DSC1: variants seen among roughly 807,000 people sequenced by gnomAD.
DSC1 encodes desmocollin 1, also known as desmocollin-1.
In DSC1, 79 loss-of-function variants were observed where a neutral mutation model predicts 98.8. The ratio of observed to expected loss-of-function variants is 0.80; its 90% CI spans 0.67 to 0.96. The LOEUF is 0.96. Among genes scored for constraint, DSC1 ranks in the 50% least tolerant of loss-of-function variants. DSC1 has a pLI of 0.00. For missense variants in DSC1, 1,115 were observed against 1,075.9 expected (o/e 1.04, Z -0.51); for synonymous variants, 405 against 372.1 (o/e 1.09, Z -1.02).
At chr18:31,140,902 A>C (rs1210104176) in intron 9 of DSC1, among the ~76,000 whole-genome samples, 1 of 152,160 alleles carries the variant, frequency 6.6e-6, no homozygotes, top group East Asian at 1.9e-4. Flanking sequence ...AGGGCAAGGT[A>C]ATTGAATCTT....
chr18:31,143,856 A>T, intron 7 of DSC1, 65 bp from the exon 8 acceptor site: 1 of 1,315,714 alleles, frequency 7.6e-7, no homozygotes, highest in Non-Finnish European at 1.0e-6. Flanking sequence ...AATTCTCACA[A>T]CCACTTGTTT....
Position 31,156,715 on chromosome 18 carries a change from A to C in DSC1, c.352-553T>G, listed in dbSNP as rs571832897. Among the ~76,000 whole-genome samples, 25 of 152,386 alleles carry C rather than the reference A, an allele frequency of 1.6e-4. No homozygotes were observed. The South Asian group carries it at 5.2e-3, about 32-fold the overall frequency. Reference sequence around the variant, plus strand: ...AATCCTCTCCTAAATAGAATCATTTATTAAGAAATGGTTTTATAAGACGAA... The same window carrying C: ...AATCCTCTCCTAAATAGAATCATTTCTTAAGAAATGGTTTTATAAGACGAA... On this transcript the variant is annotated intron_variant, in intron 3 of 15. Transcript: ENST00000257198.
intron 5 of DSC1, chr18:31,150,908 C>T (rs1048532681): frequency 6.6e-6 from 1 of 152,168 alleles, no homozygotes; most frequent in Non-Finnish European, 1.5e-5. Flanking sequence ...CAATAAATAG[C>T]TCTTTGCATT....
rs180682852 is a variant in DSC1 at position 31,142,125 on chromosome 18, C to T, written c.1134G>A (p.Gln378=). 5.0e-6 allele frequency: 8 copies of T among 1,613,118 alleles called. No homozygotes were observed. The Admixed American group carries it at 1.0e-4, about 20-fold the overall frequency. ...IDVEILRMKV[Q]DQDLPNTPHS... ...GAGGAGTGTTTGGCAAATCCTGATC[C>T]TGTACCTTCATTCGTAAAATCTCCA... is the stretch of plus-strand genomic sequence containing the variant. The change falls in exon 9 of 16, where the codon CAG becomes CAA. Residue 378 remains glutamine, a synonymous_variant. Transcript: ENST00000257198.
intron 6 of DSC1, 143 bp from the exon 7 acceptor site, chr18:31,145,920 AC>A: frequency 1.1e-6 from 1 of 918,396 alleles, no homozygotes. Context: ...CGAATGTGAA[AC>A]TGTTCTAAAT....
Position 31,162,595 on chromosome 18 carries a change from C to G in DSC1, c.-1G>C. On this transcript the variant is annotated 5_prime_UTR_variant, in exon 1 of 16. Transcript: ENST00000257198. ...CTGGGGCAGCAGAGGCCAGAGCCATCAGAAGCAGTCCCAATGGCCAGGGAC... is the reference window on the plus strand; with the variant it reads ...CTGGGGCAGCAGAGGCCAGAGCCATGAGAAGCAGTCCCAATGGCCAGGGAC... The G allele has an allele frequency of 7.4e-6, 12 of 1,614,124 alleles. No individual in the cohort carries two copies. The highest frequency in any genetic ancestry group is 1.0e-5 in the Non-Finnish European group (12 of 1,180,004).
intron 1 of DSC1, among the ~76,000 whole-genome samples, chr18:31,162,128 C>T (rs894624809): frequency 6.6e-6 from 1 of 152,104 alleles, no homozygotes; most frequent in Non-Finnish European, 1.5e-5. Context: ...ACCCAGAATC[C>T]TTTCTCTTTT....
intron 5 of DSC1, among the ~76,000 whole-genome samples, chr18:31,151,789 G>T (rs77239293): frequency 0.012 from 1,776 of 152,308 alleles, 14 homozygotes; most frequent in Non-Finnish European, 0.021. Flanking sequence ...TAACACCAAA[G>T]CTGAGTGGGT....
rs377475514 is a variant in DSC1, at chr18:31,143,609, T to C, written c.1074+48A>G. ...AGCTACCAAATTCTAGACATGTTTT[T>C]TGAAAAAGTAGATAAATCTAGATGA... On this transcript the variant is annotated intron_variant, in intron 8 of 15. Transcript: ENST00000257198. 2.4e-4 allele frequency: 343 copies of C among 1,408,048 alleles called. No homozygotes were observed. The African/African-American group carries it at 4.4e-3, about 18-fold the overall frequency. 87.2% of individuals were successfully genotyped at this position (1,408,048 alleles called of 1,614,324 possible).
chr18:31,139,741 C>A lies in DSC1; in HGVS notation c.1663+7G>T, dbSNP rs911117236. On this transcript the variant is annotated splice_region_variant and intron_variant, in intron 11 of 15. Transcript: ENST00000257198. ...TTTATATTTTATCTGTAGAAAATGGCACTCACCTGCATCCACTGCAACAAC... is the reference window on the plus strand; with the variant it reads ...TTTATATTTTATCTGTAGAAAATGGAACTCACCTGCATCCACTGCAACAAC... 1.9e-6 allele frequency: 3 copies of A among 1,572,542 alleles called. No individual in the cohort carries two copies. The highest frequency in any genetic ancestry group is 1.4e-5 in the African/African-American group (1 of 72,992).
intron 11 of DSC1, among the ~76,000 whole-genome samples, chr18:31,138,529 A>G (rs376019635): frequency 3.9e-5 from 6 of 152,224 alleles, no homozygotes; most frequent in African/African-American, 1.4e-4. Context: ...CAGTTGGGGA[A>G]TAAATGAGTA....
At chr18:31,132,041 C>T in intron 14 of DSC1, 199 bp from the exon 15 acceptor site, 2 of 621,018 alleles carry the variant, frequency 3.2e-6, no homozygotes, top group South Asian at 4.0e-5. Context: ...CCCTCAGTAA[C>T]TCAGAATGTG....
intron 5 of DSC1, among the ~76,000 whole-genome samples, chr18:31,152,565 T>C (rs1048640897): frequency 6.6e-6 from 1 of 152,176 alleles, no homozygotes; most frequent in African/African-American, 2.4e-5. Flanking sequence ...ACCATTAGAA[T>C]ATCTTCAACA....
At chr18:31,159,290 T>C (rs1989164811) in intron 2 of DSC1, among the ~76,000 whole-genome samples, 155 bp downstream of exon 2, 1 of 149,716 alleles carries the variant, frequency 6.7e-6, no homozygotes, top group African/African-American at 2.5e-5. Flanking sequence ...CCTGACCTCA[T>C]GATCCACCCG....
chr18:31,140,376 A>G, intron 9 of DSC1, 75 bp from the exon 10 acceptor site: 1 of 1,415,542 alleles, frequency 7.1e-7, no homozygotes, highest in Non-Finnish European at 9.5e-7. Flanking sequence ...ATTTTCCTAC[A>G]AAGGAATATC....
rs565272335 is a variant in DSC1 at position 31,161,414 on chromosome 18, C to A, written c.63+1118G>T. Among the ~76,000 whole-genome samples the A allele has an allele frequency of 5.3e-5, 8 of 151,752 alleles. No individual in the cohort carries two copies. The South Asian group carries it at 1.3e-3, about 24-fold the overall frequency. ...TATGAGACATTCTTATAGTTATATCCACACTTCCACTCCCACCCCCATCTT... is the reference window on the plus strand; with the variant it reads ...TATGAGACATTCTTATAGTTATATCAACACTTCCACTCCCACCCCCATCTT... On this transcript the variant is annotated intron_variant, in intron 1 of 15. Transcript: ENST00000257198.
Position 31,145,602 on chromosome 18 carries a change from C to A in DSC1, c.939+9G>T. ...TTCAATGACTAGATAGTTAATTAAT[C>A]ATCATTACTTCTCTATCCAGAAAAG... On this transcript the variant is annotated intron_variant, in intron 7 of 15. Coordinates refer to ENST00000257198, the MANE Select transcript of DSC1 (RefSeq NM_024421.2). 2.5e-6 allele frequency: 4 copies of A among 1,612,920 alleles called. No homozygotes were observed. The highest frequency in any genetic ancestry group is 3.4e-6 in the Non-Finnish European group (4 of 1,179,180).
At chr18:31,157,710 A>G (rs1389573766) in intron 2 of DSC1, 137 bp from the exon 3 acceptor site, 1 of 809,338 alleles carries the variant, frequency 1.2e-6, no homozygotes, top group Non-Finnish European at 2.0e-6. Flanking sequence ...AGCACCTGCT[A>G]TTCTAAAACG....
chr18:31,130,348 T>A lies in DSC1; in HGVS notation c.*166A>T. ...TGATTTCTAGAGAACATGGAAGTTATACCAGACAAGGAGAATGTAGGGGAA... is the reference window on the plus strand; with the variant it reads ...TGATTTCTAGAGAACATGGAAGTTAAACCAGACAAGGAGAATGTAGGGGAA... On this transcript the variant is annotated 3_prime_UTR_variant, in exon 16 of 16. Transcript: ENST00000257198. 1.4e-6 allele frequency: 1 copy of A among 711,026 alleles called. No homozygotes were observed. Among genetic ancestry groups the A allele is most frequent in the Non-Finnish European group, 2.3e-6 (1 of 435,588 alleles). The allele number at this position is 711,026 out of a possible 1,614,324, so 44.0% of individuals were successfully genotyped here.
Sources: gnomAD v4.1 joint callset for allele counts (sites outside exome capture counted in the v4.1 genomes callset) on GRCh38, gnomAD v4.1.1 for gene constraint, MANE v1.5 for transcripts, NCBI Gene and HGNC (gene_info 2026-07-23, HGNC 2026-07-21) for gene names.